The following FANCI variants were observed in gnomAD, a reference collection of about 807,000 sequenced individuals.
FANCI encodes the protein Fanconi anemia group I protein.
Under a neutral mutation model 176.1 loss-of-function variants are expected in FANCI, and 156 were observed. The ratio of observed to expected loss-of-function variants is 0.89; its 90% CI spans 0.78 to 1.01. The LOEUF is 1.01. Ranked by LOEUF, FANCI falls within the 50% of genes least tolerant of loss-of-function variation. The probability of loss-of-function intolerance (pLI) is 0.00; values close to 1 mark genes in which losing one functional copy is unlikely to be tolerated. For missense variants in FANCI, 1,678 were observed against 1,534.1 expected (o/e 1.09, Z -1.57); for synonymous variants, 613 against 541.7 (o/e 1.13, Z -1.83).
intron 15 of FANCI, 133 bp from the exon 16 acceptor site, chr15:89,281,632 T>C: frequency 1.1e-6 from 1 of 882,506 alleles, no homozygotes; most frequent in Non-Finnish European, 1.9e-6. Context: ...TTGTTAACTG[T>C]AATAAACATT....
chr15:89,266,529 A>G (rs2052970820), intron 9 of FANCI, among the ~76,000 whole-genome samples: 1 of 151,760 alleles, frequency 6.6e-6, no homozygotes, highest in African/African-American at 2.4e-5. Flanking sequence ...GGCTTTCACC[A>G]TATTGGCCAG....
intron 2 of FANCI, among the ~76,000 whole-genome samples, chr15:89,253,312 A>T (rs757652348): frequency 7.9e-5 from 12 of 151,868 alleles, no homozygotes; most frequent in Non-Finnish European, 1.8e-4. Flanking sequence ...TTCAAGAGAA[A>T]GCTCCAAATG....
chr15:89,271,916 T>C (rs903677849), intron 10 of FANCI, among the ~76,000 whole-genome samples: 2 of 152,248 alleles, frequency 1.3e-5, no homozygotes, highest in Non-Finnish European at 1.5e-5. Flanking sequence ...CCACTAACAT[T>C]CAAATGTAAG....
Position 89,261,634 on chromosome 15 carries a change from T to G in FANCI, c.338T>G (p.Ile113Ser), listed in dbSNP as rs1410335582. 6.2e-7 allele frequency: 1 copy of G among 1,614,200 alleles called. No homozygotes were observed. Among genetic ancestry groups the G allele is most frequent in the South Asian group, 1.1e-5 (1 of 91,082 alleles). The change falls in exon 5 of 38, where the codon ATT (isoleucine) becomes AGT (serine). Residue 113 changes from isoleucine (I) to serine (S), a missense_variant. Transcript: ENST00000310775. The part of the protein sequence containing the change: ...PLLVELANEF[I>S]SAVREGSLVN... ...TTGGTTGAATTAGCCAATGAGTTTA[T>G]TAGTGCTGTCAGAGAAGGCAGCCTA...
chr15:89,261,558 G>A (rs758909507), intron 4 of FANCI, 27 bp from the exon 5 acceptor site: 1 of 1,613,702 alleles, frequency 6.2e-7, no homozygotes, highest in East Asian at 2.2e-5. Context: ...TTCTGCTTGA[G>A]ATTTCCTTTA....
In FANCI at chr15:89,264,653, C is replaced by A. The variant is rs755820181; in HGVS notation, c.755+46C>A. The A allele has an allele frequency of 2.0e-6, 3 of 1,522,168 alleles. No homozygotes were observed. In the Admixed American group the frequency reaches 5.1e-5, roughly 26 times the overall value. 94.3% of individuals were successfully genotyped at this position (1,522,168 alleles called of 1,614,324 possible). A position where few individuals can be genotyped will look rare whatever the true frequency, so the allele number is the denominator to read the frequency against. ...ATAAAGATCATTTTTACAAATTCAT[C>A]TTCTCATTGTGTATTTTAGCTATTT... On this transcript the variant is annotated intron_variant, in intron 9 of 37. Coordinates refer to ENST00000310775, the MANE Select transcript of FANCI (RefSeq NM_001113378.2).
chr15:89,311,565 G>A (rs2054963516), intron 34 of FANCI, among the ~76,000 whole-genome samples: 1 of 152,162 alleles, frequency 6.6e-6, no homozygotes, highest in Admixed American at 6.5e-5. Context: ...CTTCCCACTT[G>A]GTCAGTGAGG....
At chr15:89,296,895 C>T (rs1293131841) in intron 24 of FANCI, among the ~76,000 whole-genome samples, 16 of 146,896 alleles carry the variant, frequency 1.1e-4, no homozygotes, top group Non-Finnish European at 1.8e-4. Flanking sequence ...ACCTCCCGGA[C>T]GGGGCGGCTG....
intron 8 of FANCI, 49 bp downstream of exon 8, chr15:89,264,075 A>G (rs1475725863): frequency 5.6e-6 from 9 of 1,608,520 alleles, no homozygotes; most frequent in Non-Finnish European, 6.8e-6. Context: ...ATGACCAGTT[A>G]TGACCATTCA....
rs1479409508 is a variant in FANCI at position 89,300,321 on chromosome 15, AAGAG to A, written c.2831_2834del (p.Arg944LysfsTer23). 2 of 1,613,778 alleles carry A rather than the reference AAGAG, an allele frequency of 1.2e-6. No homozygotes were observed. Among genetic ancestry groups the A allele is most frequent in the African/African-American group, 1.3e-5 (1 of 74,910 alleles). Reference sequence around the variant, plus strand: ...CTAGATGTCACAGATAAGGAAGGAGAAGAGAGAGAAGATGCAGATGTCAGTGTCA... The same window carrying A: ...CTAGATGTCACAGATAAGGAAGGAGAAGAGAAGATGCAGATGTCAGTGTCA... On this transcript the variant is annotated frameshift_variant, in exon 26 of 38. Transcript: ENST00000310775. LOFTEE classifies it high-confidence loss of function.
chr15:89,245,591 G>C (rs1176870046), intron 1 of FANCI, among the ~76,000 whole-genome samples: 1 of 151,908 alleles, frequency 6.6e-6, no homozygotes, highest in African/African-American at 2.4e-5. Flanking sequence ...GATGGAAGCA[G>C]GAATATTTAT....
rs2151689444 is a variant in FANCI, at chr15:89,290,224, T to C, written c.1833T>C (p.Asp611=). 6.2e-7 allele frequency: 1 copy of C among 1,613,796 alleles called. No homozygotes were observed. The highest frequency in any genetic ancestry group is 1.7e-5 in the Admixed American group (1 of 60,026). Residue 611 remains aspartate (D), a synonymous_variant, in exon 19 of 38, where the codon GAT becomes GAC. Coordinates refer to ENST00000310775, the MANE Select transcript of FANCI (RefSeq NM_001113378.2). ...VRLMLYEGFY[D]VLRRNSQLAN... is the part of the protein sequence containing the mutation. ...TTGATTCCTCTTAGGGGTTTTATGA[T>C]GTTCTTCGAAGGAACTCTCAGCTGG...
At chr15:89,303,792 C>T in intron 27 of FANCI, 72 bp from the exon 28 acceptor site, 1 of 1,360,468 alleles carries the variant, frequency 7.4e-7, no homozygotes. Context: ...AGGTCTAGAA[C>T]TCTTCTGTTC....
At position 89,316,432 on chromosome 15, in the gene FANCI, A is replaced by C. The variant is rs1596346512; in HGVS notation, c.3960A>C (p.Glu1320Asp). The change falls in exon 38 of 38, where the codon GAA (glutamate) becomes GAC (aspartate). Residue 1320 changes from glutamate (E) to aspartate (D), a missense_variant. Glu to Asp is a conservative substitution (Grantham distance 45). Around this residue, in one of 3 missense-constraint regions of FANCI, gnomAD observed 1,204 missense variants for 1,077.4 expected, o/e 1.12. Transcript: ENST00000310775. ...CAGAGCATGGGGGACAGAACAAAGA[A>C]CCAGCCAAGAAGAAAAGGAAAAAAT... Reference protein sequence around the residue: ...TASEHGGQNKEPAKKKRKK With the variant: ...TASEHGGQNKDPAKKKRKK The C allele has an allele frequency of 6.2e-7, 1 of 1,611,748 alleles. No homozygotes were observed. The highest frequency in any genetic ancestry group is 8.5e-7 in the Non-Finnish European group (1 of 1,178,582).
At chr15:89,301,282 C>A in intron 26 of FANCI, 44 bp from the exon 27 acceptor site, 2 of 1,263,874 alleles carry the variant, frequency 1.6e-6, no homozygotes, top group Non-Finnish European at 1.2e-6. Flanking sequence ...CTGATAGGAA[C>A]GTGTCTGCTA....
chr15:89,258,010 C>T (rs543892620), intron 2 of FANCI, among the ~76,000 whole-genome samples: 16 of 152,186 alleles, frequency 1.1e-4, no homozygotes, highest in African/African-American at 3.1e-4. Flanking sequence ...GGTCCTTTCC[C>T]GTTTCTCTTC....
intron 9 of FANCI, 38 bp from the exon 10 acceptor site, chr15:89,268,356 CCACTG>C (rs1410267202): frequency 1.2e-6 from 2 of 1,612,258 alleles, no homozygotes; most frequent in African/African-American, 2.7e-5. Flanking sequence ...CAGGCATGAG[CCACTG>C]CACCTTATAG....
Position 89,285,215 on chromosome 15 carries a change from T to C in FANCI, c.1818T>C (p.Tyr606=). The change falls in exon 18 of 38, where the codon TAT becomes TAC. Residue 606 remains tyrosine (Y), a synonymous_variant. Coordinates refer to ENST00000310775, the MANE Select transcript of FANCI (RefSeq NM_001113378.2). ...SQQADVRLML[Y]EGFYDVLRRN... ...AAGCTGATGTTCGACTCATGCTTTA[T>C]GAGGTAAGTCCGTAGAATGGAAAGA... 6.2e-7 allele frequency: 1 copy of C among 1,614,092 alleles called. No individual in the cohort carries two copies. Among genetic ancestry groups the C allele is most frequent in the Non-Finnish European group, 8.5e-7 (1 of 1,179,934 alleles).
At chr15:89,266,486 G>A (rs1400279439) in intron 9 of FANCI, among the ~76,000 whole-genome samples, 1 of 150,254 alleles carries the variant, frequency 6.7e-6, no homozygotes, top group South Asian at 2.1e-4. Flanking sequence ...GTGCCACCAC[G>A]CCCGGCTACT....
Sources: gnomAD v4.1 joint callset for allele counts (sites outside exome capture counted in the v4.1 genomes callset) on GRCh38, gnomAD v4.1.1 for gene constraint, gnomAD v4.1.1 regional missense constraint, MANE v1.5 for transcripts, NCBI Gene and HGNC (gene_info 2026-07-23, HGNC 2026-07-21) for gene names.